The following NLGN1 variants were observed in gnomAD, a reference collection of about 807,000 sequenced individuals.
NLGN1 encodes the protein neuroligin 1.
In NLGN1, 12 loss-of-function variants were observed where a neutral mutation model predicts 65.5. The observed-to-expected ratio is 0.18, with a 90% confidence interval of 0.12 to 0.30. NLGN1 has a LOEUF of 0.30. NLGN1 is among the 10% of genes least tolerant of loss of function. The probability of loss-of-function intolerance (pLI) is 1.00; values close to 1 mark genes in which losing one functional copy is unlikely to be tolerated. For synonymous variants in NLGN1, 350 were observed against 359.5 expected (o/e 0.97, Z 0.30); for missense variants, 750 against 1,007.1 (o/e 0.74, Z 3.46).
intron 3 of NLGN1, among the ~76,000 whole-genome samples, chr3:173,631,293 T>C (rs905672433): frequency 2.6e-5 from 4 of 152,144 alleles, no homozygotes; most frequent in African/African-American, 9.7e-5. Context: ...ACACTATTTG[T>C]CCATCCTTTC....
At chr3:173,795,553 T>A (rs1471649986) in intron 3 of NLGN1, among the ~76,000 whole-genome samples, 1 of 152,134 alleles carries the variant, frequency 6.6e-6, no homozygotes, top group Non-Finnish European at 1.5e-5. Context: ...TATATAAAAT[T>A]AACTAAATTT....
intron 4 of NLGN1, among the ~76,000 whole-genome samples, chr3:173,949,026 A>AT (rs924925172): frequency 2.3e-4 from 35 of 151,642 alleles, no homozygotes; most frequent in African/African-American, 8.0e-4. Context: ...TCTTCACTAA[A>AT]TTTTTTTTTA....
intron 4 of NLGN1, 83 bp downstream of exon 4, chr3:173,807,915 G>T: frequency 7.8e-6 from 11 of 1,414,500 alleles, no homozygotes; most frequent in Non-Finnish European, 9.9e-6. Flanking sequence ...GTTCTGCTTT[G>T]CTTTGTTTCA....
At chr3:173,720,719 G>T (rs1770693791) in intron 3 of NLGN1, among the ~76,000 whole-genome samples, 1 of 152,126 alleles carries the variant, frequency 6.6e-6, no homozygotes, top group South Asian at 2.1e-4. Context: ...CTCCCTACTA[G>T]CAGAAGTAAA....
intron 4 of NLGN1, among the ~76,000 whole-genome samples, chr3:174,014,164 A>ACGCAAGC (rs1290350655): frequency 1.3e-5 from 2 of 152,166 alleles, no homozygotes; most frequent in Non-Finnish European, 2.9e-5. Context: ...ATTGAAAATA[A>ACGCAAGC]CCCAAGCCCC....
intron 4 of NLGN1, among the ~76,000 whole-genome samples, chr3:173,934,272 ATAT>A (rs1047765865): frequency 4.7e-5 from 7 of 148,804 alleles, no homozygotes; most frequent in Admixed American, 2.7e-4. Context: ...TATAGTATTA[ATAT>A]TAGTAGTAGT....
At chr3:173,826,134 C>T (rs572529232) in intron 4 of NLGN1, among the ~76,000 whole-genome samples, 5 of 151,968 alleles carry the variant, frequency 3.3e-5, no homozygotes, top group African/African-American at 4.8e-5. Context: ...GCAGGAATAG[C>T]AAACTCAAAA....
chr3:174,155,118 T>A (rs1725202082), intron 4 of NLGN1, among the ~76,000 whole-genome samples: 1 of 149,062 alleles, frequency 6.7e-6, no homozygotes, highest in South Asian at 2.1e-4. Context: ...TTTGGAATGC[T>A]TTTGTTACAC....
At chr3:173,624,477 G>GA (rs1754521080) in intron 3 of NLGN1, among the ~76,000 whole-genome samples, 2 of 152,022 alleles carry the variant, frequency 1.3e-5, no homozygotes. Flanking sequence ...TCCAAGAAGC[G>GA]AAACTTTTGC....
intron 3 of NLGN1, among the ~76,000 whole-genome samples, chr3:173,706,220 T>C (rs1768020571): frequency 5.3e-5 from 8 of 152,348 alleles, no homozygotes; most frequent in Admixed American, 3.3e-4. Flanking sequence ...TTTATCTATT[T>C]AAATGGAGAC....
At chr3:173,601,871 C>T (rs1011539692) in intron 2 of NLGN1, among the ~76,000 whole-genome samples, 2 of 151,936 alleles carry the variant, frequency 1.3e-5, no homozygotes, top group Admixed American at 1.3e-4. Flanking sequence ...TTTAATTTCT[C>T]TGTCCTATGA....
chr3:174,017,628 T>G (rs1340131246), intron 4 of NLGN1, among the ~76,000 whole-genome samples: 1 of 152,144 alleles, frequency 6.6e-6, no homozygotes, highest in Non-Finnish European at 1.5e-5. Flanking sequence ...AGAGAAATTT[T>G]AAAGCTGGGT....
chr3:173,871,460 C>T (rs919270121), intron 4 of NLGN1, among the ~76,000 whole-genome samples: 1 of 152,180 alleles, frequency 6.6e-6, no homozygotes, highest in Non-Finnish European at 1.5e-5. Context: ...TAGACGTAGA[C>T]AGATCTTGAT....
chr3:173,413,024 G>T (rs571835713), intron 1 of NLGN1, among the ~76,000 whole-genome samples: 1 of 152,296 alleles, frequency 6.6e-6, no homozygotes, highest in East Asian at 1.9e-4. Flanking sequence ...GCTTGTGCTT[G>T]ACTCCCTGGC....
chr3:173,489,589 G>A (rs1389992342), intron 2 of NLGN1, among the ~76,000 whole-genome samples: 1 of 152,006 alleles, frequency 6.6e-6, no homozygotes, highest in Non-Finnish European at 1.5e-5. Flanking sequence ...TAATCCTTTG[G>A]GTATATACCC....
intron 4 of NLGN1, among the ~76,000 whole-genome samples, chr3:173,821,483 T>G (rs4461447): frequency 0.85 from 129,310 of 152,080 alleles, 55,839 homozygotes; most frequent in African/African-American, 0.93. Context: ...AGAAATACTC[T>G]TTATTCTTTT....
chr3:174,291,004 CAAGA>C (rs200258651), downstream of NLGN1, among the ~76,000 whole-genome samples: 3,088 of 149,702 alleles, frequency 0.021, 70 homozygotes, highest in Middle Eastern at 0.082. Context: ...TAATAAAACT[CAAGA>C]AAGAATTATA....
intron 2 of NLGN1, among the ~76,000 whole-genome samples, chr3:173,555,038 G>A (rs1308332238): frequency 2.6e-5 from 4 of 152,092 alleles, no homozygotes; most frequent in African/African-American, 4.8e-5. Flanking sequence ...TGTGCTAATT[G>A]ACCATGTATA....
At chr3:174,024,189 C>T (rs999968436) in intron 4 of NLGN1, among the ~76,000 whole-genome samples, 5 of 140,848 alleles carry the variant, frequency 3.5e-5, no homozygotes. Flanking sequence ...CATAGTTAAA[C>T]TGCTGCAGCA....
Sources: gnomAD v4.1 joint callset for allele counts (sites outside exome capture counted in the v4.1 genomes callset) on GRCh38, gnomAD v4.1.1 for gene constraint, MANE v1.5 for transcripts, NCBI Gene and HGNC (gene_info 2026-07-23, HGNC 2026-07-21) for gene names.